Variants in COL22A1 observed in about 807,000 individuals in gnomAD.
COL22A1 encodes the protein collagen alpha-1(XXII) chain.
In COL22A1, 221 loss-of-function variants were observed where a neutral mutation model predicts 248.9. The ratio of observed to expected loss-of-function variants is 0.89; its 90% confidence interval spans 0.80 to 0.99. COL22A1 has a LOEUF of 0.99. Ranked by LOEUF, COL22A1 falls within the 50% of genes least tolerant of loss-of-function variation. COL22A1 has a pLI of 0.00. For synonymous variants in COL22A1, 891 were observed against 793.4 expected, an observed-to-expected ratio of 1.12 and a Z score of -2.07; for missense variants, 2,240 against 2,179.0, an observed-to-expected ratio of 1.03 and a Z score of -0.56.
intron 25 of COL22A1, among the ~76,000 whole-genome samples, chr8:138,723,898 T>C (rs907150280): frequency 6.6e-5 from 10 of 152,186 alleles, no homozygotes; most frequent in Non-Finnish European, 1.5e-4. Context: ...ACCTGCCCCA[T>C]GTGTTACCCA....
At chr8:138,861,108 T>A (rs1249723483) in intron 3 of COL22A1, among the ~76,000 whole-genome samples, 1 of 152,142 alleles carries the variant, frequency 6.6e-6, no homozygotes, top group Non-Finnish European at 1.5e-5. Context: ...CTTCTGCTGG[T>A]TTGCCAACTC....
chr8:138,689,165 G>GC (rs144407158), intron 36 of COL22A1, among the ~76,000 whole-genome samples, 195 bp from the exon 37 acceptor site: 20,576 of 151,568 alleles, frequency 0.14, 2,170 homozygotes, highest in African/African-American at 0.29. Flanking sequence ...TCCCGGGGGG[G>GC]GGGCTGGCCT....
intron 46 of COL22A1, 148 bp from the exon 47 acceptor site, chr8:138,646,830 G>C: frequency 1.7e-6 from 1 of 599,026 alleles, no homozygotes. Context: ...TAGCCTGTCT[G>C]AGCAAAGGGT....
chr8:138,766,226 G>A (rs1425714672), intron 16 of COL22A1, among the ~76,000 whole-genome samples: 1 of 152,198 alleles, frequency 6.6e-6, no homozygotes, highest in East Asian at 1.9e-4. Context: ...GTGGAGTCTG[G>A]AGCCAAGAGT....
intron 4 of COL22A1, among the ~76,000 whole-genome samples, chr8:138,835,957 T>A (rs1820401006): frequency 1.3e-5 from 2 of 152,188 alleles, no homozygotes; most frequent in Admixed American, 1.3e-4. Flanking sequence ...CATGTCTTCA[T>A]CCACCAAATG....
At chr8:138,603,136 A>G (rs1370275306) in intron 59 of COL22A1, among the ~76,000 whole-genome samples, 1 of 152,206 alleles carries the variant, frequency 6.6e-6, no homozygotes, top group Non-Finnish European at 1.5e-5. Context: ...AGAAACATTC[A>G]TCGCATCCCT....
In COL22A1 at chr8:138,630,842, G is replaced by A. The variant is rs946198937; in HGVS notation, c.3610-94C>T. On this transcript the variant is annotated intron_variant, in intron 49 of 64. Transcript: ENST00000303045. ...TGAATACAAAGCAATTGATATGGTT[G>A]GTTATCTGTCCCCTCCAAATCTCAT... 6.4e-6 allele frequency: 7 copies of A among 1,095,240 alleles called. No homozygotes were observed. The African/African-American group carries it at 1.1e-4, about 17-fold the overall frequency. 67.8% of individuals were successfully genotyped at this position (1,095,240 alleles called of 1,614,324 possible).
At chr8:138,851,620 G>C (rs567354116) in intron 3 of COL22A1, among the ~76,000 whole-genome samples, 2 of 152,294 alleles carry the variant, frequency 1.3e-5, no homozygotes, top group South Asian at 4.1e-4. Flanking sequence ...GGTGTCACCA[G>C]AGACTGTGTG....
intron 52 of COL22A1, among the ~76,000 whole-genome samples, chr8:138,622,169 C>A (rs1819862493): frequency 6.6e-6 from 1 of 152,218 alleles, no homozygotes; most frequent in Admixed American, 6.5e-5. Flanking sequence ...GTTCTAGCCT[C>A]ACCAGGAGCT....
At chr8:138,896,840 G>A (rs571950243) in intron 1 of COL22A1, among the ~76,000 whole-genome samples, 39 of 152,258 alleles carry the variant, frequency 2.6e-4, no homozygotes, top group African/African-American at 8.9e-4. Flanking sequence ...GAACGTGGTG[G>A]TGAGTGCCTG....
At chr8:138,709,075 A>G (rs1040596072) in intron 30 of COL22A1, among the ~76,000 whole-genome samples, 4 of 152,344 alleles carry the variant, frequency 2.6e-5, no homozygotes, top group African/African-American at 9.6e-5. Flanking sequence ...ATGCTAATCA[A>G]AACCACAATG....
intron 43 of COL22A1, among the ~76,000 whole-genome samples, chr8:138,661,038 AG>A (rs1209929283): frequency 5.7e-3 from 45 of 7,828 alleles, no homozygotes; most frequent in African/African-American, 9.8e-3. Flanking sequence ...ACACATATAC[AG>A]ACACACACAC....
At chr8:138,641,827 G>A (rs1821739164) in intron 47 of COL22A1, among the ~76,000 whole-genome samples, 1 of 152,192 alleles carries the variant, frequency 6.6e-6, no homozygotes, top group Admixed American at 6.5e-5. Flanking sequence ...TACTCCATCA[G>A]GGGTAGCATT....
intron 39 of COL22A1, among the ~76,000 whole-genome samples, chr8:138,683,768 T>C (rs1826131720): frequency 6.6e-6 from 1 of 152,164 alleles, no homozygotes; most frequent in Admixed American, 6.5e-5. Flanking sequence ...GTCCATGAGA[T>C]ATGAACTTTT....
chr8:138,839,309 G>A (rs549586753), intron 4 of COL22A1, among the ~76,000 whole-genome samples: 1 of 152,188 alleles, frequency 6.6e-6, no homozygotes, highest in South Asian at 2.1e-4. Context: ...CCACGGCGAG[G>A]GTACACTGGC....
rs574095792 is a variant in COL22A1 at position 138,713,283 on chromosome 8, C to T, written c.2517+2399G>A. 7.9e-5 allele frequency among the ~76,000 whole-genome samples: 12 copies of T among 152,146 alleles called. No individual in the cohort carries two copies. In the East Asian group the frequency reaches 2.3e-3, roughly 29 times the overall value. On this transcript the variant is annotated intron_variant, in intron 30 of 64. Transcript: ENST00000303045. ...TTTAGCCTGGAGTCAGCATGTGGTC[C>T]CAGCCAAGCTTTGGTTCTGTGAGTG...
intron 50 of COL22A1, among the ~76,000 whole-genome samples, chr8:138,630,289 G>T (rs2131995840): frequency 6.6e-6 from 1 of 152,284 alleles, no homozygotes; most frequent in South Asian, 2.1e-4. Context: ...AACAATAGCT[G>T]CCTCTTGTCT....
At position 138,607,921 on chromosome 8, in the gene COL22A1, C is replaced by A; in HGVS notation, c.4032+15G>T. Reference sequence around the variant, plus strand: ...CCACCCTGATGCCATCACATAGCAGCCAAAGAGAACTCACAGGGGTTCCTG... The same window carrying A: ...CCACCCTGATGCCATCACATAGCAGACAAAGAGAACTCACAGGGGTTCCTG... On this transcript the variant is annotated intron_variant, in intron 57 of 64. Coordinates refer to ENST00000303045, the MANE Select transcript of COL22A1 (RefSeq NM_152888.3). The A allele has an allele frequency of 6.2e-7, 1 of 1,613,600 alleles. No individual in the cohort carries two copies. The highest frequency in any genetic ancestry group is 8.5e-7 in the Non-Finnish European group (1 of 1,179,646).
chr8:138,692,402 T>TTTGTGGAG (rs1827143993), intron 35 of COL22A1, among the ~76,000 whole-genome samples: 2 of 151,134 alleles, frequency 1.3e-5, no homozygotes, highest in Non-Finnish European at 3.0e-5. Flanking sequence ...TATGTACATG[T>TTTGTGGAG]GTGTGTATGT....
Sources: gnomAD v4.1 joint callset for allele counts (sites outside exome capture counted in the v4.1 genomes callset) on GRCh38, gnomAD v4.1.1 for gene constraint, MANE v1.5 for transcripts, NCBI Gene and HGNC (gene_info 2026-07-23, HGNC 2026-07-21) for gene names.